Variants in SHOC2 observed in about 807,000 individuals in gnomAD.
SHOC2 encodes leucine-rich repeat protein SHOC-2.
In SHOC2, 4 loss-of-function variants were observed where a neutral mutation model predicts 50.2. The observed-to-expected ratio is 0.08, with a 90% CI of 0.04 to 0.18. The LOEUF is 0.18. Among genes scored for constraint, SHOC2 ranks in the 10% least tolerant of loss-of-function variants. SHOC2 has a pLI of 1.00. For synonymous variants in SHOC2, 218 were observed against 244.5 expected, an observed-to-expected ratio of 0.89 and a Z score of 1.01; for missense variants, 388 against 669.6, an observed-to-expected ratio of 0.58 and a Z score of 4.64.
intron 1 of SHOC2, among the ~76,000 whole-genome samples, chr10:110,934,255 G>A (rs949446731): frequency 1.3e-5 from 2 of 152,076 alleles, no homozygotes; most frequent in Non-Finnish European, 2.9e-5. Context: ...GAAGATTGAT[G>A]TTCAGTGAAG....
At chr10:110,948,705 A>C (rs747172533) in intron 1 of SHOC2, among the ~76,000 whole-genome samples, 7 of 152,200 alleles carry the variant, frequency 4.6e-5, no homozygotes, top group Non-Finnish European at 1.0e-4. Flanking sequence ...ACAACATAGC[A>C]AAACTTACGT....
intron 6 of SHOC2, 116 bp from the exon 7 acceptor site, chr10:111,009,132 C>A: frequency 1.5e-6 from 1 of 656,306 alleles, no homozygotes; most frequent in Non-Finnish European, 2.7e-6. Context: ...TTGAACATCA[C>A]CCTTAATATT....
Position 110,964,317 on chromosome 10 carries a change from A to C in SHOC2, c.-42A>C. ...CATCTTTGAATTCAATTACTGGAAA[A>C]TAAAAGGAGTTCATGTAGTTTTTGT... On this transcript the variant is annotated 5_prime_UTR_variant, in exon 2 of 9. Coordinates refer to ENST00000369452, the MANE Select transcript of SHOC2 (RefSeq NM_007373.4). The surrounding 1 kb of genome is among the most constrained non-coding windows in gnomAD (Gnocchi z 4.9). 6.3e-7 allele frequency: 1 copy of C among 1,599,992 alleles called. No homozygotes were observed.
chr10:110,998,157 G>T (rs1395652139), intron 3 of SHOC2, among the ~76,000 whole-genome samples: 1 of 151,764 alleles, frequency 6.6e-6, no homozygotes. Context: ...ACACCACCAT[G>T]CCCGGATAAT....
At position 111,009,843 on chromosome 10, in the gene SHOC2, T is replaced by C; in HGVS notation, c.1540+13T>C. ...CCTGAAGAAATTGGTATGAACCCTG[T>C]GAATGCTTGACTCTGTACTAATAAT... On this transcript the variant is annotated intron_variant, in intron 8 of 8. Transcript: ENST00000369452. 7.5e-7 allele frequency: 1 copy of C among 1,332,478 alleles called. No individual in the cohort carries two copies. Among genetic ancestry groups the C allele is most frequent in the South Asian group, 1.2e-5 (1 of 85,392 alleles). The allele number at this position is 1,332,478 out of a possible 1,614,324, so 82.5% of individuals were successfully genotyped here.
chr10:110,995,337 A>G (rs901800476), intron 3 of SHOC2, among the ~76,000 whole-genome samples: 2 of 152,250 alleles, frequency 1.3e-5, no homozygotes, highest in Non-Finnish European at 2.9e-5. Flanking sequence ...GTGCTGGTAT[A>G]TCCAGTTTAC....
intron 2 of SHOC2, among the ~76,000 whole-genome samples, chr10:110,967,154 C>T (rs1377485636): frequency 1.3e-5 from 2 of 152,120 alleles, no homozygotes; most frequent in African/African-American, 2.4e-5. Flanking sequence ...TATCTTATAT[C>T]CTTACAGTAA....
chr10:110,936,098 T>TA (rs1051119022), intron 1 of SHOC2, among the ~76,000 whole-genome samples: 6 of 149,136 alleles, frequency 4.0e-5, no homozygotes, highest in Non-Finnish European at 8.9e-5. Context: ...TTCACTGATT[T>TA]TTTTTTTTTT....
chr10:110,961,408 A>G (rs1847570104), intron 1 of SHOC2, among the ~76,000 whole-genome samples: 1 of 152,212 alleles, frequency 6.6e-6, no homozygotes, highest in Admixed American at 6.5e-5. Context: ...TAGATCCAGA[A>G]CTTAATTTTT....
At chr10:111,003,580 C>T (rs968777390) in intron 4 of SHOC2, among the ~76,000 whole-genome samples, 5 of 152,042 alleles carry the variant, frequency 3.3e-5, no homozygotes, top group African/African-American at 1.2e-4. Context: ...ACACTAGGTT[C>T]GGAAAAATAA....
intron 1 of SHOC2, among the ~76,000 whole-genome samples, chr10:110,961,971 A>G (rs1246454928): frequency 6.6e-6 from 1 of 152,086 alleles, no homozygotes; most frequent in Non-Finnish European, 1.5e-5. Context: ...TTTATAAAAT[A>G]CCTAGACCCC....
Position 110,919,663 on chromosome 10 carries a change from T to G in SHOC2, c.-235+6T>G, listed in dbSNP as rs1846566816. On this transcript the variant is annotated splice_donor_region_variant and intron_variant, in intron 1 of 8. Coordinates refer to ENST00000369452, the MANE Select transcript of SHOC2 (RefSeq NM_007373.4). ...CGGAGTCGGGGCTCCTGACGGTAAC[T>G]CGGGGCCGATGAGGCGGAGGGTGTC... is the stretch of plus-strand genomic sequence containing the variant. 2.5e-6 allele frequency: 1 copy of G among 398,480 alleles called. No homozygotes were observed. The highest frequency in any genetic ancestry group is 2.1e-5 in the African/African-American group (1 of 48,564). 24.7% of individuals were successfully genotyped at this position (398,480 alleles called of 1,614,324 possible). A position where few individuals can be genotyped will look rare whatever the true frequency, so the allele number is the denominator to read the frequency against.
chr10:111,004,735 A>C lies in SHOC2; in HGVS notation c.1102A>C (p.Asn368His). The stretch of plus-strand genomic sequence containing the variant: ...CCTCAACATGGAACACAATCGAATC[A>C]ACAAAATTCCATTTGGAATTTTCTC... The part of the protein sequence containing the change: ...YSLNMEHNRI[N>H]KIPFGIFSRA... The change falls in exon 5 of 9, where the codon AAC (asparagine) becomes CAC (histidine). Residue 368 changes from asparagine (N) to histidine (H), a missense_variant. By Grantham distance (68) the Asn-to-His change is moderately conservative. This residue lies in a region of SHOC2 where 48 missense variants were observed against 151.6 expected (regional missense o/e 0.32). Coordinates refer to ENST00000369452, the MANE Select transcript of SHOC2 (RefSeq NM_007373.4). 1.2e-6 allele frequency: 2 copies of C among 1,613,832 alleles called. No homozygotes were observed. Among genetic ancestry groups the C allele is most frequent in the Non-Finnish European group, 8.5e-7 (1 of 1,179,748 alleles).
chr10:110,993,884 A>T (rs926042477), intron 3 of SHOC2, among the ~76,000 whole-genome samples: 1 of 152,182 alleles, frequency 6.6e-6, no homozygotes, highest in African/African-American at 2.4e-5. Flanking sequence ...CATTTAAAAT[A>T]TTGTATTTAT....
In SHOC2 at chr10:110,919,790, C is replaced by G. The variant is rs1336925314; in HGVS notation, c.-235+133C>G. On this transcript the variant is annotated intron_variant, in intron 1 of 8. Coordinates refer to ENST00000369452, the MANE Select transcript of SHOC2 (RefSeq NM_007373.4). ...CGCCCTGACAGGCGCGAGCCGGCAG[C>G]GCCGGGGCGAGGCCCGAGGGGCCGG... 3 of 392,298 alleles carry G rather than the reference C, an allele frequency of 7.6e-6. No individual in the cohort carries two copies. In the Admixed American group the frequency reaches 1.3e-4, roughly 18 times the overall value. The allele number at this position is 392,298 out of a possible 1,614,324, so 24.3% of individuals were successfully genotyped here. A position where few individuals can be genotyped will look rare whatever the true frequency, so the allele number is the denominator to read the frequency against.
At chr10:110,973,600 T>C (rs1257733174) in intron 2 of SHOC2, among the ~76,000 whole-genome samples, 2 of 152,186 alleles carry the variant, frequency 1.3e-5, no homozygotes, top group African/African-American at 4.8e-5. Flanking sequence ...TCTAGAAGGG[T>C]TTGTGCAGAA....
intron 3 of SHOC2, among the ~76,000 whole-genome samples, chr10:110,999,036 G>C (rs1283838890): frequency 2.0e-5 from 3 of 152,206 alleles, no homozygotes; most frequent in Admixed American, 6.5e-5. Context: ...AAAGCAAAAG[G>C]AGAGAAATGG....
chr10:110,986,381 G>C (rs1368563694), intron 3 of SHOC2, among the ~76,000 whole-genome samples: 1 of 152,156 alleles, frequency 6.6e-6, no homozygotes. Flanking sequence ...AGTTATTAAT[G>C]TGGTATAAGG....
chr10:111,009,452 C>G (rs1848528742), intron 7 of SHOC2, 67 bp downstream of exon 7: 15 of 1,353,660 alleles, frequency 1.1e-5, no homozygotes, highest in Admixed American at 3.5e-5. Flanking sequence ...CCACATTTCT[C>G]TTAAGATTTT....
Sources: gnomAD v4.1 joint callset for allele counts (sites outside exome capture counted in the v4.1 genomes callset) on GRCh38, gnomAD v4.1.1 for gene constraint, gnomAD v4.1.1 regional missense constraint, Gnocchi (gnomAD v3.1) non-coding constraint, MANE v1.5 for transcripts, NCBI Gene and HGNC (gene_info 2026-07-23, HGNC 2026-07-21) for gene names.